MACROD2: variants seen among roughly 807,000 people sequenced by gnomAD.
MACROD2 encodes ADP-ribose glycohydrolase MACROD2.
A neutral mutation model predicts 70.4 loss-of-function variants in MACROD2; 36 were observed. The ratio of observed to expected loss-of-function variants is 0.51; its 90% CI spans 0.39 to 0.68. The LOEUF is 0.68. Ranked by LOEUF, MACROD2 falls within the 30% of genes least tolerant of loss-of-function variation. The pLI, the probability that MACROD2 is intolerant of heterozygous loss-of-function variation, is 0.00. For missense variants in MACROD2, 496 were observed against 538.4 expected (o/e 0.92, Z 0.78); for synonymous variants, 172 against 178.8 (o/e 0.96, Z 0.30).
chr20:15,942,240 TAG>T (rs1380618489), intron 12 of MACROD2, among the ~76,000 whole-genome samples: 1 of 152,158 alleles, frequency 6.6e-6, no homozygotes, highest in African/African-American at 2.4e-5. Flanking sequence ...GATCAAGAGC[TAG>T]ATTGTGAGCT....
At chr20:15,055,403 G>A (rs1471095961) in intron 5 of MACROD2, among the ~76,000 whole-genome samples, 2 of 152,128 alleles carry the variant, frequency 1.3e-5, no homozygotes, top group Admixed American at 6.5e-5. Flanking sequence ...ATCAATCTCT[G>A]GGTCTTGGTT....
rs1253830701 is a variant in MACROD2, at chr20:14,921,633, A to G, written c.418+236674A>G. ...TGGCCCAGCTGTTAGGATATATGCT[A>G]TTTGCAAATGGCAGCATAAATAGCA... On this transcript the variant is annotated intron_variant, in intron 5 of 17. Transcript: ENST00000684519. Among the ~76,000 whole-genome samples the G allele has an allele frequency of 1.3e-5, 2 of 152,122 alleles. 1 individual carries two copies. Among genetic ancestry groups the G allele is most frequent in the Non-Finnish European group, 2.9e-5 (2 of 68,006 alleles).
At chr20:13,997,893 G>A (rs1303978818) in intron 1 of MACROD2, among the ~76,000 whole-genome samples, 1 of 151,924 alleles carries the variant, frequency 6.6e-6, no homozygotes, top group East Asian at 1.9e-4. Flanking sequence ...AGGATTTCTA[G>A]TACCATAGTT....
chr20:14,562,837 G>A (rs796853780), intron 4 of MACROD2, among the ~76,000 whole-genome samples: 84 of 151,760 alleles, frequency 5.5e-4, no homozygotes, highest in African/African-American at 1.7e-3. Context: ...CCTTTCTCTG[G>A]ATTTGTTGCC....
chr20:15,770,180 G>C lies in MACROD2; in HGVS notation c.646-92565G>C, dbSNP rs563247272. On this transcript the variant is annotated intron_variant, in intron 8 of 17. Transcript: ENST00000684519. ...CATGATCATAGCTCACAGCAGCCTC[G>C]AACTCCTGAGCTCAAGCAATCCTTC... Among the ~76,000 whole-genome samples, 14 of 143,168 alleles carry C rather than the reference G, an allele frequency of 9.8e-5. No homozygotes were observed. The South Asian group carries it at 2.0e-3, about 20-fold the overall frequency. The allele number at this position is 143,168 out of a possible 152,430, so 93.9% of individuals were successfully genotyped here.
intron 8 of MACROD2, among the ~76,000 whole-genome samples, chr20:15,800,846 A>T (rs2063718068): frequency 6.6e-6 from 1 of 151,990 alleles, no homozygotes; most frequent in Non-Finnish European, 1.5e-5. Flanking sequence ...CTGTACTAAG[A>T]AAAATTCTTC....
intron 8 of MACROD2, among the ~76,000 whole-genome samples, chr20:15,564,037 A>AT (rs2048279458): frequency 6.6e-6 from 1 of 152,106 alleles, no homozygotes; most frequent in Non-Finnish European, 1.5e-5. Flanking sequence ...TTATGCCCAG[A>AT]TTTTTTCCAG....
intron 4 of MACROD2, among the ~76,000 whole-genome samples, chr20:14,546,086 A>G (rs1222844893): frequency 6.6e-6 from 1 of 152,218 alleles, no homozygotes; most frequent in African/African-American, 2.4e-5. Context: ...AGCTATAACT[A>G]TGTTTAAATA....
At chr20:14,606,363 T>TGGGAATATTGTCTA (rs1363021744) in intron 4 of MACROD2, among the ~76,000 whole-genome samples, 4 of 152,168 alleles carry the variant, frequency 2.6e-5, no homozygotes, top group African/African-American at 9.7e-5. Flanking sequence ...ATAGGATTTT[T>TGGGAATATTGTCTA]GGGAATATTG....
At chr20:15,410,090 T>C (rs2046056470) in intron 6 of MACROD2, among the ~76,000 whole-genome samples, 1 of 152,214 alleles carries the variant, frequency 6.6e-6, no homozygotes, top group African/African-American at 2.4e-5. Context: ...CTCTATAAGA[T>C]TTTTTGAGAA....
At chr20:14,300,463 T>C (rs185754425) in intron 3 of MACROD2, among the ~76,000 whole-genome samples, 2 of 152,238 alleles carry the variant, frequency 1.3e-5, no homozygotes, top group East Asian at 3.9e-4. Context: ...CTTGGGTTTT[T>C]GTTGTTGTTG....
Position 16,049,849 on chromosome 20 carries a change from G to C in MACROD2, c.1320G>C (p.Ala440=). Residue 440 remains alanine, a synonymous_variant, in exon 18 of 18, where the codon GCG becomes GCC. Coordinates refer to ENST00000684519, the MANE Select transcript of MACROD2 (RefSeq NM_001351661.2). ...DQLIAGAQDE[A]KEQRNGTK ...CTTCAGCAGGGGCACAAGATGAAGC[G>C]AAGGAACAAAGAAATGGAACTAAAT... 1 of 1,594,398 alleles carries C rather than the reference G, an allele frequency of 6.3e-7. No individual in the cohort carries two copies. The highest frequency in any genetic ancestry group is 1.7e-5 in the Admixed American group (1 of 58,688).
chr20:15,519,348 T>A (rs2047619341), intron 8 of MACROD2, among the ~76,000 whole-genome samples: 1 of 152,082 alleles, frequency 6.6e-6, no homozygotes, highest in Admixed American at 6.6e-5. Flanking sequence ...ATGGCCTCGA[T>A]CTCCTTACCT....
chr20:15,110,407 A>G (rs1032950155), intron 5 of MACROD2, among the ~76,000 whole-genome samples: 3 of 152,274 alleles, frequency 2.0e-5, no homozygotes, highest in Non-Finnish European at 2.9e-5. Context: ...TTGTCATACA[A>G]TTTGATGAAT....
intron 5 of MACROD2, among the ~76,000 whole-genome samples, chr20:14,890,056 G>T (rs1031341567): frequency 2.6e-5 from 4 of 152,106 alleles, no homozygotes; most frequent in Middle Eastern, 3.2e-3. Flanking sequence ...ATTTAAGAAT[G>T]ACTCCAAGGG....
intron 6 of MACROD2, among the ~76,000 whole-genome samples, chr20:15,358,924 T>C (rs2078320455): frequency 6.6e-6 from 1 of 152,106 alleles, no homozygotes; most frequent in Non-Finnish European, 1.5e-5. Context: ...CACTGGGGAT[T>C]AGGGCTTCAA....
At chr20:15,944,379 A>G (rs1433229382) in intron 12 of MACROD2, among the ~76,000 whole-genome samples, 5 of 152,146 alleles carry the variant, frequency 3.3e-5, no homozygotes, top group African/African-American at 9.6e-5. Flanking sequence ...TAAACTCTCA[A>G]TGTTTTTCTA....
chr20:15,899,736 C>T (rs139337849), intron 10 of MACROD2, among the ~76,000 whole-genome samples: 125 of 152,218 alleles, frequency 8.2e-4, no homozygotes, highest in Non-Finnish European at 1.5e-3. Context: ...AGTAGGCATA[C>T]GTGGGATGCT....
chr20:14,657,373 G>C (rs746194244), intron 4 of MACROD2, among the ~76,000 whole-genome samples: 1 of 152,184 alleles, frequency 6.6e-6, no homozygotes, highest in Non-Finnish European at 1.5e-5. Flanking sequence ...ATAAAAATCA[G>C]ATGAAAAATC....
Sources: allele counts gnomAD v4.1 joint callset (sites outside exome capture counted in the v4.1 genomes callset), GRCh38; gene constraint gnomAD v4.1.1; transcripts MANE v1.5; gene names NCBI Gene and HGNC (gene_info 2026-07-23, HGNC 2026-07-21).